TBC1D32: variants seen among roughly 807,000 people sequenced by gnomAD.
The protein encoded by TBC1D32 is TBC1 domain family member 32, also known as protein broad-minded.
A neutral mutation model predicts 170.3 loss-of-function variants in TBC1D32; 151 were observed. That is an observed-to-expected ratio of 0.89 (90% CI 0.78 to 1.01). The LOEUF (loss-of-function observed/expected upper bound fraction) is 1.01. TBC1D32 is among the 50% of genes least tolerant of loss of function. The pLI, the probability that TBC1D32 is intolerant of heterozygous loss-of-function variation, is 0.00. For missense variants in TBC1D32, 1,464 were observed against 1,457.1 expected (o/e 1.00, Z -0.08); for synonymous variants, 498 against 488.0 (o/e 1.02, Z -0.27).
chr6:121,127,328 C>T (rs553255167), intron 25 of TBC1D32, among the ~76,000 whole-genome samples: 1 of 152,248 alleles, frequency 6.6e-6, no homozygotes, highest in East Asian at 1.9e-4. Context: ...ATAACATATG[C>T]TTTTCAGCAA....
chr6:121,091,076 A>T, intron 30 of TBC1D32, 35 bp from the exon 31 acceptor site: 1 of 1,537,344 alleles, frequency 6.5e-7, no homozygotes, highest in Admixed American at 2.1e-5. Context: ...TCATTAAAAA[A>T]TTTATAAAAC....
At chr6:121,277,645 A>C (rs529953391) in intron 15 of TBC1D32, among the ~76,000 whole-genome samples, 24 of 151,756 alleles carry the variant, frequency 1.6e-4, no homozygotes, top group Non-Finnish European at 3.4e-4. Flanking sequence ...TTAAGTACAA[A>C]TATAAAAGCA....
intron 24 of TBC1D32, among the ~76,000 whole-genome samples, chr6:121,147,341 G>C (rs1002010837): frequency 1.3e-5 from 2 of 152,108 alleles, no homozygotes; most frequent in East Asian, 3.9e-4. Flanking sequence ...GTCAGTAGTG[G>C]GATTGCTAGG....
intron 30 of TBC1D32, among the ~76,000 whole-genome samples, chr6:121,097,799 T>C (rs1656730633): frequency 6.6e-6 from 1 of 152,018 alleles, no homozygotes. Context: ...AACCCAAATT[T>C]CCATCAATGA....
intron 17 of TBC1D32, among the ~76,000 whole-genome samples, chr6:121,244,285 C>T (rs1797345389): frequency 1.3e-5 from 2 of 152,100 alleles, no homozygotes; most frequent in Admixed American, 1.3e-4. Context: ...CAGAATGAGA[C>T]ATTACCCATT....
chr6:121,089,430 C>A (rs1776582712), intron 31 of TBC1D32, among the ~76,000 whole-genome samples: 1 of 152,044 alleles, frequency 6.6e-6, no homozygotes, highest in Non-Finnish European at 1.5e-5. Context: ...CTCTGAAATT[C>A]CTATAACTGA....
intron 3 of TBC1D32, among the ~76,000 whole-genome samples, chr6:121,314,848 G>A (rs1808705146): frequency 6.6e-6 from 1 of 152,104 alleles, no homozygotes; most frequent in Admixed American, 6.6e-5. Flanking sequence ...GTCTCTGAAT[G>A]GTGTCCATTT....
At chr6:121,177,261 T>A (rs1787897369) in intron 22 of TBC1D32, among the ~76,000 whole-genome samples, 1 of 152,144 alleles carries the variant, frequency 6.6e-6, no homozygotes, top group Admixed American at 6.5e-5. Context: ...CCCTTGGTGC[T>A]GTTCTCATGA....
At chr6:121,242,161 A>C (rs1437166645) in intron 18 of TBC1D32, 40 bp downstream of exon 18, 2 of 1,596,384 alleles carry the variant, frequency 1.3e-6, no homozygotes, top group East Asian at 4.5e-5. Flanking sequence ...TTTTAAAACC[A>C]CAAAAATTCC....
At chr6:121,190,505 C>T (rs1464646217) in intron 22 of TBC1D32, among the ~76,000 whole-genome samples, 4 of 151,680 alleles carry the variant, frequency 2.6e-5, no homozygotes, top group African/African-American at 9.7e-5. Flanking sequence ...CTTCCCGCCT[C>T]TAATTTTATC....
chr6:121,140,115 AC>A (rs1200461214), intron 24 of TBC1D32, among the ~76,000 whole-genome samples: 1 of 152,082 alleles, frequency 6.6e-6, no homozygotes, highest in Non-Finnish European at 1.5e-5. Context: ...CATGGTCTTT[AC>A]CTAAGAGCAT....
chr6:121,118,446 A>G (rs916354799), intron 26 of TBC1D32, among the ~76,000 whole-genome samples: 5 of 152,200 alleles, frequency 3.3e-5, no homozygotes, highest in African/African-American at 1.2e-4. Context: ...TCAAAATAAA[A>G]TGAGTTGACA....
intron 22 of TBC1D32, among the ~76,000 whole-genome samples, chr6:121,170,808 T>C (rs1360060506): frequency 5.9e-5 from 9 of 152,082 alleles, no homozygotes. Flanking sequence ...AACTGCCACT[T>C]AATTTAAAAA....
intron 30 of TBC1D32, among the ~76,000 whole-genome samples, chr6:121,095,385 C>A (rs191118025): frequency 8.5e-5 from 13 of 152,270 alleles, no homozygotes; most frequent in Non-Finnish European, 1.6e-4. Flanking sequence ...CTCATAAGAA[C>A]ATTACATCTT....
At chr6:121,267,802 C>T (rs749411539) in intron 15 of TBC1D32, among the ~76,000 whole-genome samples, 4 of 151,792 alleles carry the variant, frequency 2.6e-5, no homozygotes, top group Non-Finnish European at 4.4e-5. Flanking sequence ...GTGGGTCCCT[C>T]CCTCCTCAAG....
chr6:121,273,936 GT>G (rs1801855839), intron 15 of TBC1D32, among the ~76,000 whole-genome samples: 1 of 152,136 alleles, frequency 6.6e-6, no homozygotes, highest in Non-Finnish European at 1.5e-5. Context: ...CTTCCACCAT[GT>G]GGCTGTGCTG....
chr6:121,205,207 T>C (rs1792089622), intron 21 of TBC1D32, 44 bp from the exon 22 acceptor site: 1 of 996,256 alleles, frequency 1.0e-6, no homozygotes, highest in Non-Finnish European at 1.4e-6. Flanking sequence ...ACTGATATCA[T>C]TTAAAGAAAA....
chr6:121,211,586 T>C (rs958379191), intron 21 of TBC1D32, among the ~76,000 whole-genome samples: 4 of 152,170 alleles, frequency 2.6e-5, no homozygotes, highest in African/African-American at 9.7e-5. Context: ...CATTCCAGTG[T>C]TACTTAACTT....
At chr6:121,121,596 C>T (rs1014972078) in intron 26 of TBC1D32, among the ~76,000 whole-genome samples, 2 of 151,916 alleles carry the variant, frequency 1.3e-5, no homozygotes, top group African/African-American at 4.8e-5. Flanking sequence ...ATCGAATAAT[C>T]TTTGTAAGGT....
Sources: gnomAD v4.1 joint callset for allele counts (sites outside exome capture counted in the v4.1 genomes callset) on GRCh38, gnomAD v4.1.1 for gene constraint, MANE v1.5 for transcripts, NCBI Gene and HGNC (gene_info 2026-07-23, HGNC 2026-07-21) for gene names.